The following EPHA6 variants were observed in gnomAD, a reference collection of about 807,000 sequenced individuals.
EPHA6 encodes the protein EPH receptor A6.
Under a neutral mutation model 112.0 loss-of-function variants are expected in EPHA6, and 50 were observed. That is an observed-to-expected ratio of 0.45 (90% CI 0.36 to 0.56). The LOEUF (loss-of-function observed/expected upper bound fraction) is 0.56, where lower values mean the gene tolerates loss of function less well. EPHA6 is among the 20% of genes least tolerant of loss of function. EPHA6 has a pLI of 0.00. For synonymous variants in EPHA6, 529 were observed against 490.7 expected (o/e 1.08, Z -1.03); for missense variants, 1,280 against 1,417.4 (o/e 0.90, Z 1.56).
chr3:97,538,745 C>A (rs916750023), intron 11 of EPHA6, among the ~76,000 whole-genome samples: 16 of 152,136 alleles, frequency 1.1e-4, no homozygotes, highest in Admixed American at 2.6e-4. Context: ...TGAGAAGCGT[C>A]CATTGGATAG....
At chr3:97,422,888 A>T (rs1045256388) in intron 6 of EPHA6, among the ~76,000 whole-genome samples, 1 of 152,146 alleles carries the variant, frequency 6.6e-6, no homozygotes, top group Non-Finnish European at 1.5e-5. Context: ...AGTAAATAAA[A>T]CTAAAAACAA....
chr3:97,639,611 A>G (rs2093983218), intron 14 of EPHA6, among the ~76,000 whole-genome samples: 1 of 152,146 alleles, frequency 6.6e-6, no homozygotes, highest in Non-Finnish European at 1.5e-5. Context: ...TTAATAAAAT[A>G]ATATTTTAAC....
chr3:96,985,431 G>C (rs2856465), intron 2 of EPHA6, among the ~76,000 whole-genome samples: 1 of 151,768 alleles, frequency 6.6e-6, no homozygotes, highest in Non-Finnish European at 1.5e-5. Flanking sequence ...CTATTATCTT[G>C]GTTCACAGTT....
At chr3:97,464,474 G>A (rs2090990790) in intron 7 of EPHA6, among the ~76,000 whole-genome samples, 1 of 152,074 alleles carries the variant, frequency 6.6e-6, no homozygotes, top group African/African-American at 2.4e-5. Flanking sequence ...CACTATAAAT[G>A]TTGAGAAGCC....
intron 5 of EPHA6, among the ~76,000 whole-genome samples, chr3:97,324,407 T>TTC (rs1267630614): frequency 2.1e-5 from 2 of 96,022 alleles, no homozygotes; most frequent in East Asian, 2.9e-4. Flanking sequence ...TTTCCTTCTT[T>TTC]TCTTTCTTTC....
chr3:96,899,844 C>G (rs1179229375), intron 2 of EPHA6, among the ~76,000 whole-genome samples: 1 of 151,414 alleles, frequency 6.6e-6, no homozygotes, highest in African/African-American at 2.4e-5. Flanking sequence ...AATCTGCACA[C>G]TTTTTTTTTC....
chr3:96,980,389 C>A (rs1366576784), intron 2 of EPHA6, among the ~76,000 whole-genome samples: 6 of 152,098 alleles, frequency 3.9e-5, no homozygotes, highest in Non-Finnish European at 8.8e-5. Flanking sequence ...TCTGAGGGGT[C>A]TGTTCTGTTC....
At chr3:97,324,467 TTC>T (rs1381752350) in intron 5 of EPHA6, among the ~76,000 whole-genome samples, 3 of 147,014 alleles carry the variant, frequency 2.0e-5, no homozygotes. Flanking sequence ...CTTTCTTTCT[TTC>T]TTTTTCTTTC....
chr3:96,943,884 G>A (rs1201658457), intron 2 of EPHA6, among the ~76,000 whole-genome samples: 1 of 152,056 alleles, frequency 6.6e-6, no homozygotes, highest in African/African-American at 2.4e-5. Flanking sequence ...AGAAAGGAAT[G>A]AATTTGAGAT....
At chr3:96,858,600 T>A (rs1201432034) in intron 1 of EPHA6, among the ~76,000 whole-genome samples, 1 of 152,124 alleles carries the variant, frequency 6.6e-6, no homozygotes, top group African/African-American at 2.4e-5. Context: ...CTTGGATAAA[T>A]AAATAATGCA....
Position 97,592,725 on chromosome 3 carries a change from A to G in EPHA6, c.2500A>G (p.Arg834Gly), listed in dbSNP as rs1188989222. ...GCCAGGGGGAGGATCTTTGCCCCCC[A>G]GGATTCCTGCTGGTAGGTATTTCAG... ...PVPGGGSLPP[R>G]IPAGRPVMIV... The change falls in exon 12 of 18, where the codon AGG becomes GGG. Residue 834 changes from arginine to glycine, a missense_variant. Physicochemically the swap from Arg to Gly is moderately radical, Grantham distance 125. Transcript: ENST00000389672. 2 of 1,595,746 alleles carry G rather than the reference A, an allele frequency of 1.3e-6. No homozygotes were observed. The highest frequency in any genetic ancestry group is 1.7e-6 in the Non-Finnish European group (2 of 1,173,920).
At chr3:97,008,968 T>C (rs1304470236) in intron 3 of EPHA6, among the ~76,000 whole-genome samples, 2 of 152,108 alleles carry the variant, frequency 1.3e-5, no homozygotes, top group African/African-American at 2.4e-5. Context: ...ATACCATTCA[T>C]GGAGGCTGGA....
rs2035893420 is a variant in EPHA6 at position 97,751,230 on chromosome 3, A to T, written c.*2529A>T. ...TCTATGGGATGAGCATTCAGTGATT[A>T]CAAGATTAAAGTTGCCTATTAAGAA... is the stretch of plus-strand genomic sequence containing the variant. On this transcript the variant is annotated 3_prime_UTR_variant, in exon 18 of 18. Transcript: ENST00000389672. Among the ~76,000 whole-genome samples the T allele has an allele frequency of 6.6e-6, 1 of 152,132 alleles. No individual in the cohort carries two copies. The highest frequency in any genetic ancestry group is 1.5e-5 in the Non-Finnish European group (1 of 68,002).
intron 11 of EPHA6, chr3:97,559,458 C>A: frequency 3.1e-6 from 1 of 320,224 alleles, no homozygotes; most frequent in South Asian, 2.5e-5. Context: ...AGCCACTCTT[C>A]TAGAAACAAA....
chr3:97,293,044 G>A (rs2080749154), intron 5 of EPHA6, among the ~76,000 whole-genome samples: 1 of 151,436 alleles, frequency 6.6e-6, no homozygotes, highest in Non-Finnish European at 1.5e-5. Flanking sequence ...AGCTCTCAGT[G>A]GAGAGGAGAC....
intron 3 of EPHA6, among the ~76,000 whole-genome samples, chr3:97,075,365 A>T (rs570069109): frequency 1.3e-5 from 2 of 152,102 alleles, no homozygotes; most frequent in East Asian, 3.9e-4. Context: ...TTGTGTTTAA[A>T]CTTTGACTTT....
chr3:97,093,931 T>G (rs2047154841), intron 3 of EPHA6, among the ~76,000 whole-genome samples: 1 of 152,138 alleles, frequency 6.6e-6, no homozygotes, highest in Non-Finnish European at 1.5e-5. Context: ...ATTCTGAGAT[T>G]GAAAATGGCT....
At chr3:97,148,932 T>A (rs2076105319) in intron 3 of EPHA6, among the ~76,000 whole-genome samples, 1 of 152,120 alleles carries the variant, frequency 6.6e-6, no homozygotes, top group African/African-American at 2.4e-5. Flanking sequence ...AATGTCAGAG[T>A]AGCCACTTTC....
At chr3:97,444,174 A>G (rs1577432271) in intron 6 of EPHA6, among the ~76,000 whole-genome samples, 1 of 152,312 alleles carries the variant, frequency 6.6e-6, no homozygotes, top group East Asian at 1.9e-4. Context: ...ATCTTTACAT[A>G]GATATGTCTA....
Sources: allele counts gnomAD v4.1 joint callset (sites outside exome capture counted in the v4.1 genomes callset), GRCh38; gene constraint gnomAD v4.1.1; transcripts MANE v1.5; gene names NCBI Gene and HGNC (gene_info 2026-07-23, HGNC 2026-07-21).